KCNQ1: variants seen among roughly 807,000 people sequenced by gnomAD.
KCNQ1 encodes the protein potassium voltage-gated channel subfamily KQT member 1.
In KCNQ1, 49 loss-of-function variants were observed where a neutral mutation model predicts 72.4. The observed-to-expected ratio is 0.68, with a 90% confidence interval of 0.54 to 0.86. The LOEUF (loss-of-function observed/expected upper bound fraction) is 0.86, where lower values mean the gene tolerates loss of function less well. Ranked by LOEUF, KCNQ1 falls within the 40% of genes least tolerant of loss-of-function variation. The pLI is 0.00. For missense variants in KCNQ1, 790 were observed against 945.1 expected, an observed-to-expected ratio of 0.84 and a Z score of 2.15; for synonymous variants, 450 against 412.6, an observed-to-expected ratio of 1.09 and a Z score of -1.10.
intron 10 of KCNQ1, chr11:2,629,614 C>T: frequency 2.5e-6 from 1 of 398,478 alleles, no homozygotes; most frequent in Non-Finnish European, 4.4e-6. Flanking sequence ...ATGGACATGG[C>T]ATGCTTGTCA....
intron 15 of KCNQ1, among the ~76,000 whole-genome samples, chr11:2,845,348 A>G (rs910087883): frequency 6.6e-6 from 1 of 152,176 alleles, no homozygotes; most frequent in African/African-American, 2.4e-5. Context: ...ACTTTCAGCC[A>G]GTGACTCTGA....
At chr11:2,569,938 A>T (rs762336969) in intron 2 of KCNQ1, among the ~76,000 whole-genome samples, 12 of 152,000 alleles carry the variant, frequency 7.9e-5, no homozygotes, top group Admixed American at 3.3e-4. Flanking sequence ...GGTGGAGTTG[A>T]GGAGGTGTTG....
At position 2,691,532 on chromosome 11, in the gene KCNQ1, G is replaced by A. The variant is rs749551427; in HGVS notation, c.1514+29451G>A. 2.2e-4 allele frequency: 88 copies of A among 398,436 alleles called. No homozygotes were observed. Among genetic ancestry groups the A allele is most frequent in the Non-Finnish European group, 3.4e-4 (76 of 226,068 alleles). The allele number at this position is 398,436 out of a possible 1,614,324, so 24.7% of individuals were successfully genotyped here. A position where few individuals can be genotyped will look rare whatever the true frequency, so the allele number is the denominator to read the frequency against. On this transcript the variant is annotated intron_variant, in intron 11 of 15. Transcript: ENST00000155840. This position sits in a 1 kb window ranked among gnomAD's most constrained non-coding sequence, Gnocchi z 6.4. ...GCTTGCTTGGCTTTGCATTAAAGTT[G>A]GGGGGATTTCTCTATCCTGAGGTTA...
chr11:2,809,084 A>G lies in KCNQ1; in HGVS notation c.1794+31047A>G, dbSNP rs894408454. On this transcript the variant is annotated intron_variant, in intron 15 of 15. Coordinates refer to ENST00000155840, the MANE Select transcript of KCNQ1 (RefSeq NM_000218.3). The surrounding 1 kb of genome is among the most constrained non-coding windows in gnomAD (Gnocchi z 7.1). ...GGGTGGGTAGGTGGGTGGCCAGACA[A>G]TGGATGTGTGAGTGAGTAGATGAAT... 1.3e-5 allele frequency among the ~76,000 whole-genome samples: 2 copies of G among 152,016 alleles called. No individual in the cohort carries two copies. The highest frequency in any genetic ancestry group is 2.9e-5 in the Non-Finnish European group (2 of 67,986).
rs762386874 is a variant in KCNQ1 at position 2,848,375 on chromosome 11, AG to A, written c.*377del. 9.5e-3 allele frequency: 4,886 copies of A among 514,036 alleles called. 192 individuals are homozygous for A. Among genetic ancestry groups the A allele is most frequent in the African/African-American group, 0.082 (4,320 of 52,568 alleles). 31.8% of individuals were successfully genotyped at this position (514,036 alleles called of 1,614,324 possible). ...AGTGCAGGCCCACCCTGCTTGGCCC[AG>A]GGGGCTTCCTGAGGGGAGACAGAGC... On this transcript the variant is annotated 3_prime_UTR_variant, in exon 16 of 16. Transcript: ENST00000155840.
In KCNQ1 at chr11:2,664,400, G is replaced by A; in HGVS notation, c.1514+2319G>A. 1 of 398,754 alleles carries A rather than the reference G, an allele frequency of 2.5e-6. No homozygotes were observed. The highest frequency in any genetic ancestry group is 4.4e-6 in the Non-Finnish European group (1 of 226,154). 24.7% of individuals were successfully genotyped at this position (398,754 alleles called of 1,614,324 possible). A position where few individuals can be genotyped will look rare whatever the true frequency, so the allele number is the denominator to read the frequency against. ...GGTCCCTCCAGAGAGGCCTGAAGGG[G>A]AGAGTGGGCACGTACAGTGTCAGGG... On this transcript the variant is annotated intron_variant, in intron 11 of 15. Transcript: ENST00000155840. This position sits in a 1 kb window ranked among gnomAD's most constrained non-coding sequence, Gnocchi z 5.1.
At chr11:2,797,965 C>T (rs567527609) in intron 15 of KCNQ1, among the ~76,000 whole-genome samples, 189 of 152,298 alleles carry the variant, frequency 1.2e-3, no homozygotes, top group African/African-American at 4.1e-3. Flanking sequence ...CAGGGCACCG[C>T]GGTGGGCAGA....
In KCNQ1 at chr11:2,457,990, G is replaced by A. The variant is rs182222258; in HGVS notation, c.386+12506G>A. 2.6e-5 allele frequency among the ~76,000 whole-genome samples: 4 copies of A among 152,192 alleles called. No homozygotes were observed. The East Asian group carries it at 7.7e-4, about 29-fold the overall frequency. On this transcript the variant is annotated intron_variant, in intron 1 of 15. Coordinates refer to ENST00000155840, the MANE Select transcript of KCNQ1 (RefSeq NM_000218.3). This position sits in a 1 kb window ranked among gnomAD's most constrained non-coding sequence, Gnocchi z 5.0. The stretch of plus-strand genomic sequence containing the variant: ...CAGCTAAGAGCATCTCTAGACCCCA[G>A]ACTGTGGCCTCTAGGTACCATTTCC...
intron 15 of KCNQ1, among the ~76,000 whole-genome samples, chr11:2,806,113 G>A (rs1847367077): frequency 6.6e-6 from 1 of 152,188 alleles, no homozygotes; most frequent in African/African-American, 2.4e-5. Flanking sequence ...CAGTTTCTGG[G>A]GTGGGAGGTG....
chr11:2,506,309 G>A (rs886307185), intron 1 of KCNQ1, among the ~76,000 whole-genome samples: 6 of 152,134 alleles, frequency 3.9e-5, no homozygotes, highest in African/African-American at 1.4e-4. Flanking sequence ...AAGACTATAC[G>A]TGAACTTTTT....
intron 11 of KCNQ1, chr11:2,666,244 TG>T (rs1338566005): frequency 7.5e-6 from 3 of 398,332 alleles, no homozygotes; most frequent in Admixed American, 4.4e-5. Flanking sequence ...GAGATGGGCA[TG>T]GGGGAGGACC....
rs1445579464 is a variant in KCNQ1 at position 2,759,011 on chromosome 11, T to C, written c.1515-9833T>C. Among the ~76,000 whole-genome samples the C allele has an allele frequency of 6.6e-6, 1 of 152,148 alleles. No homozygotes were observed. The highest frequency in any genetic ancestry group is 2.4e-5 in the African/African-American group (1 of 41,424). ...GAACACAAGGCAGAGCCACGCACAC[T>C]GTACCAATGTCAATCTCCTGGCGTT... is the stretch of plus-strand genomic sequence containing the variant. On this transcript the variant is annotated intron_variant, in intron 11 of 15. Coordinates refer to ENST00000155840, the MANE Select transcript of KCNQ1 (RefSeq NM_000218.3). This position sits in a 1 kb window ranked among gnomAD's most constrained non-coding sequence, Gnocchi z 4.4.
Position 2,781,308 on chromosome 11 carries a change from G to A in KCNQ1, c.1794+3271G>A, listed in dbSNP as rs866811478. Among the ~76,000 whole-genome samples, 4 of 152,174 alleles carry A rather than the reference G, an allele frequency of 2.6e-5. No homozygotes were observed. Among genetic ancestry groups the A allele is most frequent in the Admixed American group, 1.3e-4 (2 of 15,292 alleles). ...CACACAGCTAGTTAGGTGAAGAGCT[G>A]GTCCCAAGGAGGACACAGACAGGGG... is the stretch of plus-strand genomic sequence containing the variant. On this transcript the variant is annotated intron_variant, in intron 15 of 15. Coordinates refer to ENST00000155840, the MANE Select transcript of KCNQ1 (RefSeq NM_000218.3). The surrounding 1 kb of genome is among the most constrained non-coding windows in gnomAD (Gnocchi z 6.6).
intron 1 of KCNQ1, among the ~76,000 whole-genome samples, chr11:2,474,233 G>A (rs951856666): frequency 2.0e-5 from 3 of 152,174 alleles, no homozygotes; most frequent in African/African-American, 7.2e-5. Flanking sequence ...TGCTGTCCTC[G>A]AGTCTCCTGG....
intron 11 of KCNQ1, among the ~76,000 whole-genome samples, chr11:2,733,864 C>CCCCCCT (rs55641944): frequency 4.1e-5 from 4 of 96,424 alleles, no homozygotes; most frequent in African/African-American, 1.7e-4. Flanking sequence ...TCTCCCCCCC[C>CCCCCCT]ACTTCAGGGC....
In KCNQ1 at chr11:2,654,187, C is replaced by T. The variant is rs996317641; in HGVS notation, c.1394-7774C>T. 4.0e-5 allele frequency: 16 copies of T among 398,620 alleles called. No homozygotes were observed. The highest frequency in any genetic ancestry group is 1.8e-4 in the Admixed American group (4 of 22,720). The allele number at this position is 398,620 out of a possible 1,614,324, so 24.7% of individuals were successfully genotyped here. On this transcript the variant is annotated intron_variant, in intron 10 of 15. Coordinates refer to ENST00000155840, the MANE Select transcript of KCNQ1 (RefSeq NM_000218.3). The surrounding 1 kb of genome is among the most constrained non-coding windows in gnomAD (Gnocchi z 6.4). Reference sequence around the variant, plus strand: ...GCAGCTGGCACAGGCTGTGGGGCTGCGGCTCAGCAATGTCACGCAGGGCCT... The same window carrying T: ...GCAGCTGGCACAGGCTGTGGGGCTGTGGCTCAGCAATGTCACGCAGGGCCT...
chr11:2,671,436 TTAG>T lies in KCNQ1; in HGVS notation c.1514+9356_1514+9358del, dbSNP rs1850181889. 1 of 398,468 alleles carries T rather than the reference TTAG, an allele frequency of 2.5e-6. No homozygotes were observed. Among genetic ancestry groups the T allele is most frequent in the Non-Finnish European group, 4.4e-6 (1 of 226,072 alleles). The allele number at this position is 398,468 out of a possible 1,614,324, so 24.7% of individuals were successfully genotyped here. On this transcript the variant is annotated intron_variant, in intron 11 of 15. Transcript: ENST00000155840. The surrounding 1 kb of genome is among the most constrained non-coding windows in gnomAD (Gnocchi z 4.7). ...ATGTGCACCCAGAGATTCTCCCACTTTAGCAGGCAGAAGAGCAACCCAGCAGGG... is the reference window on the plus strand; with the variant it reads ...ATGTGCACCCAGAGATTCTCCCACTTCAGGCAGAAGAGCAACCCAGCAGGG...
chr11:2,682,370 A>G lies in KCNQ1; in HGVS notation c.1514+20289A>G, dbSNP rs971389267. The G allele has an allele frequency of 3.8e-5, 15 of 398,490 alleles. No individual in the cohort carries two copies. The highest frequency in any genetic ancestry group is 6.6e-5 in the Non-Finnish European group (15 of 226,086). 24.7% of individuals were successfully genotyped at this position (398,490 alleles called of 1,614,324 possible). A position where few individuals can be genotyped will look rare whatever the true frequency, so the allele number is the denominator to read the frequency against. On this transcript the variant is annotated intron_variant, in intron 11 of 15. Transcript: ENST00000155840. The surrounding 1 kb of genome is among the most constrained non-coding windows in gnomAD (Gnocchi z 5.8). Reference sequence around the variant, plus strand: ...GGTTTACTGGCTGGCTCCTTCTATCACATTCAAGGAGCATGAGGGTATAGG... The same window carrying G: ...GGTTTACTGGCTGGCTCCTTCTATCGCATTCAAGGAGCATGAGGGTATAGG...
chr11:2,685,682 G>A, intron 11 of KCNQ1: 1 of 398,648 alleles, frequency 2.5e-6, no homozygotes, highest in East Asian at 3.6e-5. Flanking sequence ...GGTCCCATGT[G>A]GACTTCAGGC....
Sources: allele counts gnomAD v4.1 joint callset (sites outside exome capture counted in the v4.1 genomes callset), GRCh38; gene constraint gnomAD v4.1.1; non-coding constraint Gnocchi (gnomAD v3.1); transcripts MANE v1.5; gene names NCBI Gene and HGNC (gene_info 2026-07-23, HGNC 2026-07-21).